The following NUP88 variants were observed in gnomAD, a reference collection of about 807,000 sequenced individuals.
NUP88 encodes the protein nucleoporin 88.
In NUP88, 57 loss-of-function variants were observed where a neutral mutation model predicts 93.9. That is an observed-to-expected ratio of 0.61 (90% confidence interval 0.49 to 0.76). The LOEUF (loss-of-function observed/expected upper bound fraction) is 0.76. Ranked by LOEUF, NUP88 falls within the 30% of genes least tolerant of loss-of-function variation. NUP88 has a pLI of 0.00. For synonymous variants in NUP88, 346 were observed against 336.8 expected, an observed-to-expected ratio of 1.03 and a Z score of -0.30; for missense variants, 911 against 901.0, an observed-to-expected ratio of 1.01 and a Z score of -0.14.
chr17:5,409,362 G>C (rs1483254516), intron 4 of NUP88, among the ~76,000 whole-genome samples: 1 of 116,034 alleles, frequency 8.6e-6, no homozygotes, highest in Non-Finnish European at 1.7e-5. Flanking sequence ...CGACAAGAGC[G>C]AAACTCCGTC....
Position 5,387,100 on chromosome 17 carries a change from G to A in NUP88, c.1927C>T (p.Leu643=), listed in dbSNP as rs1597311254. 3 of 1,613,362 alleles carry A rather than the reference G, an allele frequency of 1.9e-6. No individual in the cohort carries two copies. The highest frequency in any genetic ancestry group is 2.2e-5 in the East Asian group (1 of 44,874). The change falls in exon 15 of 17, where the codon CTA becomes TTA. Residue 643 remains leucine, a synonymous_variant. Transcript: ENST00000573584. The part of the protein sequence containing the change: ...QEDIMNRMKK[L]LHSFHSELPV... Reference sequence around the variant, plus strand: ...AGCTCAGAGTGAAAACTGTGAAGTAGTTTTTTCATCCTTTAGAAAAGGCAA... The same window carrying A: ...AGCTCAGAGTGAAAACTGTGAAGTAATTTTTTCATCCTTTAGAAAAGGCAA...
intron 1 of NUP88, 149 bp from the exon 2 acceptor site, chr17:5,416,831 AAT>A: frequency 1.8e-6 from 1 of 550,328 alleles, no homozygotes; most frequent in Admixed American, 4.7e-5. Flanking sequence ...TTAACTCACA[AAT>A]TTTTTTTTTT....
intron 10 of NUP88, among the ~76,000 whole-genome samples, chr17:5,390,055 C>A (rs1177487607): frequency 6.6e-6 from 1 of 150,994 alleles, no homozygotes; most frequent in Non-Finnish European, 1.5e-5. Flanking sequence ...ATCCCAGCTA[C>A]TAGGGAGGCT....
chr17:5,387,279 G>A (rs739766), intron 14 of NUP88, 107 bp downstream of exon 14: 522,396 of 1,237,320 alleles, frequency 0.42, 118,278 homozygotes, highest in East Asian at 0.84. Context: ...GAGAGGCAGG[G>A]GGATCAGTTC....
chr17:5,393,394 C>A (rs1397748100), intron 9 of NUP88, among the ~76,000 whole-genome samples: 2 of 151,682 alleles, frequency 1.3e-5, no homozygotes, highest in African/African-American at 4.8e-5. Context: ...CCATGCCCAG[C>A]CTACATGGGA....
intron 9 of NUP88, among the ~76,000 whole-genome samples, chr17:5,392,978 A>C (rs1207071678): frequency 2.0e-5 from 3 of 150,566 alleles, no homozygotes; most frequent in Non-Finnish European, 4.4e-5. Flanking sequence ...TTTGAGACGG[A>C]GTCTCACTCT....
chr17:5,394,721 G>A (rs535955588), intron 9 of NUP88, among the ~76,000 whole-genome samples, 170 bp downstream of exon 9: 1 of 152,276 alleles, frequency 6.6e-6, no homozygotes, highest in African/African-American at 2.4e-5. Context: ...GCCCTGGAGA[G>A]GAGAAAGCTT....
In NUP88 at chr17:5,404,249, G is replaced by A; in HGVS notation, c.1045-3C>T. 6.2e-7 allele frequency: 1 copy of A among 1,607,224 alleles called. No individual in the cohort carries two copies. The stretch of plus-strand genomic sequence containing the variant: ...CTGGAATCCCAGGACTTTTCTGACT[G>A]TAAAAAAAAGTGTTGTAATTTTGAT... On this transcript the variant is annotated splice_region_variant and splice_polypyrimidine_tract_variant and intron_variant, in intron 6 of 16. Coordinates refer to ENST00000573584, the MANE Select transcript of NUP88 (RefSeq NM_002532.6).
intron 1 of NUP88, among the ~76,000 whole-genome samples, chr17:5,416,916 G>A (rs1405894585): frequency 6.6e-6 from 1 of 151,758 alleles, no homozygotes; most frequent in Non-Finnish European, 1.5e-5. Flanking sequence ...TTACTATGGG[G>A]GTTCAAGTGT....
At chr17:5,394,855 T>C (rs367700903) in intron 9 of NUP88, 36 bp downstream of exon 9, 13 of 1,363,664 alleles carry the variant, frequency 9.5e-6, no homozygotes, top group Admixed American at 8.4e-5. Context: ...AAATGAACAA[T>C]TGTTTTCTGA....
Position 5,391,581 on chromosome 17 carries a change from T to G in NUP88, c.1464A>C (p.Glu488Asp). ...PTMICITSTYECLIWPLLSTV... is the reference protein window; with the variant it reads ...PTMICITSTYDCLIWPLLSTV... The stretch of plus-strand genomic sequence containing the variant: ...CGTACAATAACGGCCATATGAGGCA[T>G]TCATAGGTACTGGTGATGCAGATCA... The change falls in exon 10 of 17, where the codon GAA becomes GAC. Residue 488 changes from glutamate (E) to aspartate (D), a missense_variant. Glu to Asp is a conservative substitution (Grantham distance 45, BLOSUM62 2). Transcript: ENST00000573584. The G allele has an allele frequency of 3.7e-6, 6 of 1,613,544 alleles. No individual in the cohort carries two copies. The highest frequency in any genetic ancestry group is 5.1e-6 in the Non-Finnish European group (6 of 1,179,454).
chr17:5,416,531 T>C lies in NUP88; in HGVS notation c.449A>G (p.Lys150Arg). The change falls in exon 2 of 17, where the codon AAA becomes AGA. Residue 150 changes from lysine to arginine, a missense_variant. Lys to Arg is a conservative substitution (Grantham distance 26). Coordinates refer to ENST00000573584, the MANE Select transcript of NUP88 (RefSeq NM_002532.6). ...WGKNSEFEGG[K>R]STVNCSTTPV... ...AACTTACCTACAATTCACTGTTGAT[T>C]TTCCACCTTCAAATTCAGAATTCTT... 2 of 1,608,954 alleles carry C rather than the reference T, an allele frequency of 1.2e-6. No individual in the cohort carries two copies. The highest frequency in any genetic ancestry group is 1.7e-6 in the Non-Finnish European group (2 of 1,177,770).
intron 7 of NUP88, among the ~76,000 whole-genome samples, chr17:5,400,253 C>A (rs1393720214): frequency 6.6e-6 from 1 of 151,338 alleles, no homozygotes; most frequent in Non-Finnish European, 1.5e-5. Flanking sequence ...AATCCCAGCA[C>A]TTTGGGAGGC....
At chr17:5,390,134 C>T (rs1166916836) in intron 10 of NUP88, among the ~76,000 whole-genome samples, 1 of 145,364 alleles carries the variant, frequency 6.9e-6, no homozygotes, top group African/African-American at 2.6e-5. Flanking sequence ...CACTGCCCTC[C>T]AGCTTGGGCA....
intron 3 of NUP88, among the ~76,000 whole-genome samples, chr17:5,413,378 G>T (rs1913953550): frequency 1.3e-5 from 2 of 152,296 alleles, no homozygotes; most frequent in South Asian, 4.1e-4. Flanking sequence ...CAGCAGTGAA[G>T]GAAGATTTAG....
At chr17:5,402,631 T>A (rs1439914732) in intron 7 of NUP88, among the ~76,000 whole-genome samples, 3 of 152,146 alleles carry the variant, frequency 2.0e-5, no homozygotes, top group African/African-American at 7.2e-5. Flanking sequence ...TAACAAGAAC[T>A]GTAAGGAGAG....
intron 2 of NUP88, 119 bp from the exon 3 acceptor site, chr17:5,414,253 C>T (rs943172176): frequency 5.4e-5 from 44 of 815,384 alleles, no homozygotes; most frequent in African/African-American, 4.5e-4. Flanking sequence ...TGGAGTGTAA[C>T]GGCACAATCT....
intron 8 of NUP88, among the ~76,000 whole-genome samples, chr17:5,398,411 C>A (rs1284197248): frequency 1.3e-5 from 2 of 151,806 alleles, no homozygotes; most frequent in African/African-American, 4.8e-5. Flanking sequence ...GCCTCAGCCT[C>A]CAGAGTAGCA....
intron 8 of NUP88, among the ~76,000 whole-genome samples, chr17:5,398,919 C>T (rs1358427110): frequency 2.3e-5 from 3 of 132,892 alleles, no homozygotes; most frequent in Admixed American, 8.1e-5. Flanking sequence ...GACGGAGTCT[C>T]GCTCTGTTGC....
Sources: allele counts gnomAD v4.1 joint callset (sites outside exome capture counted in the v4.1 genomes callset), GRCh38; gene constraint gnomAD v4.1.1; transcripts MANE v1.5; gene names NCBI Gene and HGNC (gene_info 2026-07-23, HGNC 2026-07-21).